Variants in ZNF771 observed in about 807,000 individuals in gnomAD.
ZNF771 encodes the protein mesenchymal stem cell protein DSC43.
In ZNF771, 10 loss-of-function variants were observed where a neutral mutation model predicts 27.6. The ratio of observed to expected loss-of-function variants is 0.36; its 90% CI spans 0.22 to 0.61. ZNF771 has a LOEUF of 0.61. ZNF771 is among the 20% of genes least tolerant of loss of function. The pLI is 0.70. For missense variants in ZNF771, 438 were observed against 503.7 expected (o/e 0.87, Z 1.25); for synonymous variants, 261 against 225.2 (o/e 1.16, Z -1.43).
intron 2 of ZNF771, chr16:30,413,662 T>G (rs1392103393): frequency 5.3e-6 from 2 of 376,172 alleles, no homozygotes; most frequent in East Asian, 1.6e-4. Context: ...CTTGAACTCT[T>G]GGGCTCAAGT....
intron 2 of ZNF771, among the ~76,000 whole-genome samples, chr16:30,409,867 C>T (rs1159941845): frequency 2.6e-5 from 4 of 152,148 alleles, no homozygotes; most frequent in South Asian, 2.1e-4. Context: ...ATCATTTACC[C>T]GCTGTGTGAC....
At chr16:30,410,388 A>C (rs1247519673) in intron 2 of ZNF771, among the ~76,000 whole-genome samples, 2 of 151,440 alleles carry the variant, frequency 1.3e-5, no homozygotes, top group African/African-American at 4.8e-5. Flanking sequence ...GGCGTGAGCC[A>C]CCACGCCTGG....
chr16:30,411,564 C>T (rs920743475), intron 2 of ZNF771, among the ~76,000 whole-genome samples: 2 of 152,164 alleles, frequency 1.3e-5, no homozygotes, highest in Non-Finnish European at 2.9e-5. Context: ...GTCGTAACTC[C>T]ACCGTTTACC....
intron 2 of ZNF771, among the ~76,000 whole-genome samples, chr16:30,411,687 G>C (rs2050104524): frequency 6.6e-6 from 1 of 152,164 alleles, no homozygotes; most frequent in Non-Finnish European, 1.5e-5. Flanking sequence ...GGGTGGAATT[G>C]AGGATTATGC....
At chr16:30,411,943 C>A (rs909523114) in intron 2 of ZNF771, among the ~76,000 whole-genome samples, 1 of 152,188 alleles carries the variant, frequency 6.6e-6, no homozygotes. Context: ...CCCAATCTAT[C>A]TTTTAGAAAG....
chr16:30,415,275 G>T (rs898768760), intron 2 of ZNF771, among the ~76,000 whole-genome samples: 3 of 151,200 alleles, frequency 2.0e-5, no homozygotes, highest in Non-Finnish European at 4.4e-5. Context: ...TAATTTCTGA[G>T]TTGGTTACCA....
At chr16:30,417,350 G>C (rs190566905) in intron 2 of ZNF771, among the ~76,000 whole-genome samples, 69 of 152,360 alleles carry the variant, frequency 4.5e-4, no homozygotes, top group African/African-American at 1.4e-3. Context: ...AATAAAAATA[G>C]CTAGAACGCC....
intron 1 of ZNF771, 136 bp from the exon 2 acceptor site, chr16:30,407,909 G>C (rs1355906075): frequency 1.1e-5 from 7 of 613,988 alleles, no homozygotes; most frequent in Non-Finnish European, 2.8e-6. Flanking sequence ...GTGGACGGGA[G>C]AGGACCAGAT....
At chr16:30,413,710 C>G in intron 2 of ZNF771, 1 of 276,472 alleles carries the variant, frequency 3.6e-6, no homozygotes, top group South Asian at 3.1e-5. Context: ...GTTGGGACTA[C>G]AAGTGCACCC....
intron 2 of ZNF771, among the ~76,000 whole-genome samples, chr16:30,412,425 T>C (rs1680567414): frequency 6.6e-6 from 1 of 152,128 alleles, no homozygotes; most frequent in Non-Finnish European, 1.5e-5. Flanking sequence ...AGGAAGACTG[T>C]GACCGCAAAA....
intron 2 of ZNF771, among the ~76,000 whole-genome samples, chr16:30,417,123 A>G (rs2050138429): frequency 1.3e-5 from 2 of 152,142 alleles, no homozygotes; most frequent in Non-Finnish European, 2.9e-5. Context: ...CTATCCACGT[A>G]GCCTGCTCTG....
intron 2 of ZNF771, among the ~76,000 whole-genome samples, chr16:30,414,807 C>T (rs2050124605): frequency 6.8e-6 from 1 of 147,410 alleles, no homozygotes; most frequent in Non-Finnish European, 1.5e-5. Context: ...CCACGCCTGG[C>T]TAATTTTTTG....
chr16:30,407,998 G>C, intron 1 of ZNF771, 47 bp from the exon 2 acceptor site: 3 of 841,644 alleles, frequency 3.6e-6, no homozygotes, highest in South Asian at 3.5e-5. Context: ...GGGGGGGGGG[G>C]TGGGGGGGGG....
intron 1 of ZNF771, 39 bp from the exon 2 acceptor site, chr16:30,408,006 G>C: frequency 1.3e-6 from 1 of 793,594 alleles, no homozygotes. Context: ...GGGTGGGGGG[G>C]GGCGGGTCCT....
At chr16:30,412,746 C>T (rs997679163) in intron 2 of ZNF771, among the ~76,000 whole-genome samples, 3 of 151,760 alleles carry the variant, frequency 2.0e-5, no homozygotes, top group Non-Finnish European at 4.4e-5. Flanking sequence ...GAGCCGTGAT[C>T]ATGCCACTGC....
Position 30,417,756 on chromosome 16 carries a change from G to C in ZNF771, c.343G>C (p.Gly115Arg). The C allele has an allele frequency of 7.0e-7, 1 of 1,429,200 alleles. No homozygotes were observed. Among genetic ancestry groups the C allele is most frequent in the Non-Finnish European group, 9.1e-7 (1 of 1,097,684 alleles). 88.5% of individuals were successfully genotyped at this position (1,429,200 alleles called of 1,614,324 possible). A position where few individuals can be genotyped will look rare whatever the true frequency, so the allele number is the denominator to read the frequency against. The change falls in exon 3 of 3, where the codon GGC (glycine) becomes CGC (arginine). Residue 115 changes from glycine to arginine, a missense_variant. Around this residue, in one of 3 missense-constraint regions of ZNF771, gnomAD observed 49 missense variants for 106.5 expected, o/e 0.46. Coordinates refer to ENST00000319296, the MANE Select transcript of ZNF771 (RefSeq NM_001142305.2). Reference sequence around the variant, plus strand: ...GACCAAACACGGCCGCACGCACACGGGCGAGCGGCCCTACGAGTGCCCCGA... The same window carrying C: ...GACCAAACACGGCCGCACGCACACGCGCGAGCGGCCCTACGAGTGCCCCGA... Reference protein sequence around the residue: ...ALTKHGRTHTGERPYECPECD... With the variant: ...ALTKHGRTHTRERPYECPECD...
Position 30,418,604 on chromosome 16 carries a change from G to T in ZNF771, c.*237G>T. 1 of 414,384 alleles carries T rather than the reference G, an allele frequency of 2.4e-6. No homozygotes were observed. Among genetic ancestry groups the T allele is most frequent in the East Asian group, 3.6e-5 (1 of 27,576 alleles). The allele number at this position is 414,384 out of a possible 1,614,324, so 25.7% of individuals were successfully genotyped here. Reference sequence around the variant, plus strand: ...AAAGTATTATATCCTCACCCCACCCGTGCCTGTGAGTGAGGTGGGTGGGAG... The same window carrying T: ...AAAGTATTATATCCTCACCCCACCCTTGCCTGTGAGTGAGGTGGGTGGGAG... On this transcript the variant is annotated 3_prime_UTR_variant, in exon 3 of 3. Coordinates refer to ENST00000319296, the MANE Select transcript of ZNF771 (RefSeq NM_001142305.2).
chr16:30,407,998 G>GT (rs2050085481), intron 1 of ZNF771, 47 bp from the exon 2 acceptor site: 11 of 841,640 alleles, frequency 1.3e-5, no homozygotes, highest in South Asian at 5.3e-5. Flanking sequence ...GGGGGGGGGG[G>GT]TGGGGGGGGG....
At chr16:30,411,041 A>G (rs1462424850) in intron 2 of ZNF771, among the ~76,000 whole-genome samples, 1 of 151,426 alleles carries the variant, frequency 6.6e-6, no homozygotes, top group Non-Finnish European at 1.5e-5. Flanking sequence ...AAAACAGGCC[A>G]GGCGTGGTGG....
Sources: gnomAD v4.1 joint callset for allele counts (sites outside exome capture counted in the v4.1 genomes callset) on GRCh38, gnomAD v4.1.1 for gene constraint, gnomAD v4.1.1 regional missense constraint, MANE v1.5 for transcripts, NCBI Gene and HGNC (gene_info 2026-07-23, HGNC 2026-07-21) for gene names.